CHCHD3: variants seen among roughly 807,000 people sequenced by gnomAD.
CHCHD3 encodes the protein MICOS complex subunit MIC19.
CHCHD3 carries 20 observed loss-of-function variants against 38.2 expected under a neutral mutation model. The ratio of observed to expected loss-of-function variants is 0.52; its 90% CI spans 0.37 to 0.76. The LOEUF (loss-of-function observed/expected upper bound fraction) is 0.76. Ranked by LOEUF, CHCHD3 falls within the 30% of genes least tolerant of loss-of-function variation. CHCHD3 has a pLI of 0.00. For missense variants in CHCHD3, 245 were observed against 279.2 expected (o/e 0.88, Z 0.87); for synonymous variants, 82 against 100.0 (o/e 0.82, Z 1.07).
At chr7:133,001,938 G>A (rs1272403011) in intron 3 of CHCHD3, among the ~76,000 whole-genome samples, 1 of 152,156 alleles carries the variant, frequency 6.6e-6, no homozygotes, top group East Asian at 1.9e-4. Flanking sequence ...TCAAAACAAC[G>A]CTGAAGGTAA....
At chr7:132,870,640 A>G in intron 5 of CHCHD3, among the ~76,000 whole-genome samples, 1 of 151,880 alleles carries the variant, frequency 6.6e-6, no homozygotes, top group East Asian at 1.9e-4. Context: ...TACATGATTT[A>G]TCTAAGAATA....
intron 7 of CHCHD3, among the ~76,000 whole-genome samples, chr7:132,795,017 A>G (rs1350952904): frequency 6.6e-6 from 1 of 152,262 alleles, no homozygotes; most frequent in African/African-American, 2.4e-5. Flanking sequence ...CTATATGTAG[A>G]TAATTCAACA....
chr7:132,889,070 T>G (rs1043975745), intron 4 of CHCHD3, among the ~76,000 whole-genome samples: 5 of 152,102 alleles, frequency 3.3e-5, no homozygotes, highest in African/African-American at 1.2e-4. Context: ...ATATTCCATA[T>G]GTTTACACTT....
intron 4 of CHCHD3, among the ~76,000 whole-genome samples, chr7:132,917,477 T>C (rs1810136531): frequency 6.6e-6 from 1 of 152,216 alleles, no homozygotes; most frequent in Non-Finnish European, 1.5e-5. Flanking sequence ...AATGTGGATC[T>C]TTCCTATATA....
intron 3 of CHCHD3, among the ~76,000 whole-genome samples, chr7:133,023,306 C>T (rs7810851): frequency 1.3e-5 from 2 of 152,022 alleles, no homozygotes; most frequent in Non-Finnish European, 2.9e-5. Flanking sequence ...ATATTCTGTT[C>T]TGTATATTTT....
chr7:132,969,969 T>C (rs1018685181), intron 4 of CHCHD3, among the ~76,000 whole-genome samples: 3 of 152,118 alleles, frequency 2.0e-5, no homozygotes, highest in African/African-American at 4.8e-5. Context: ...GATACAACCA[T>C]TGACCAGCAT....
intron 5 of CHCHD3, among the ~76,000 whole-genome samples, chr7:132,856,178 G>A (rs926442703): frequency 6.6e-6 from 1 of 152,148 alleles, no homozygotes; most frequent in Non-Finnish European, 1.5e-5. Flanking sequence ...CATTTACTGT[G>A]TATTCTGCCT....
intron 5 of CHCHD3, among the ~76,000 whole-genome samples, chr7:132,871,718 T>A (rs952391547): frequency 1.3e-5 from 2 of 151,834 alleles, no homozygotes; most frequent in African/African-American, 4.8e-5. Flanking sequence ...CAAGGAGGAG[T>A]GATGAGATGT....
chr7:132,885,806 T>G, intron 4 of CHCHD3, 61 bp from the exon 5 acceptor site: 2 of 1,221,412 alleles, frequency 1.6e-6, no homozygotes, highest in South Asian at 2.9e-5. Context: ...AAAGCAAAAG[T>G]CAAGAATAAA....
intron 7 of CHCHD3, among the ~76,000 whole-genome samples, chr7:132,790,708 T>C (rs1341069964): frequency 6.6e-6 from 1 of 152,182 alleles, no homozygotes; most frequent in Admixed American, 6.5e-5. Context: ...GTTAACCTTC[T>C]TGATTATCTT....
At chr7:132,814,742 G>T (rs548174657) in intron 6 of CHCHD3, among the ~76,000 whole-genome samples, 1 of 152,308 alleles carries the variant, frequency 6.6e-6, no homozygotes, top group African/African-American at 2.4e-5. Context: ...TGAAAAGCCT[G>T]TAAAATCTGG....
chr7:133,023,301 C>A (rs946085726), intron 3 of CHCHD3, among the ~76,000 whole-genome samples: 1 of 152,112 alleles, frequency 6.6e-6, no homozygotes, highest in Non-Finnish European at 1.5e-5. Flanking sequence ...AATTCATATT[C>A]TGTTCTGTAT....
At chr7:133,043,114 T>G (rs932554744) in intron 2 of CHCHD3, among the ~76,000 whole-genome samples, 2 of 152,164 alleles carry the variant, frequency 1.3e-5, no homozygotes, top group African/African-American at 4.8e-5. Flanking sequence ...GCAACCCGCC[T>G]GCCTCAGCTT....
rs149233061 is a variant in CHCHD3 at position 133,080,514 on chromosome 7, T to G, written c.81+1343A>C. Among the ~76,000 whole-genome samples, 434 of 152,354 alleles carry G rather than the reference T, an allele frequency of 2.8e-3. 1 individual carries two copies. The highest frequency in any genetic ancestry group is 9.5e-3 in the African/African-American group (394 of 41,588). On this transcript the variant is annotated intron_variant, in intron 1 of 7. Coordinates refer to ENST00000262570, the MANE Select transcript of CHCHD3 (RefSeq NM_017812.4). ...AAACTTATTTTGCTTTGTCTTTTAA[T>G]TATTTTTCACTCTGAGTTGCGTACT...
intron 5 of CHCHD3, among the ~76,000 whole-genome samples, chr7:132,860,279 A>AT (rs879430697): frequency 8.3e-5 from 12 of 144,232 alleles, no homozygotes; most frequent in Admixed American, 2.9e-4. Flanking sequence ...AAATAAACAG[A>AT]TTTTTTTTTA....
At chr7:133,041,121 G>A (rs755509953) in intron 2 of CHCHD3, among the ~76,000 whole-genome samples, 2 of 152,168 alleles carry the variant, frequency 1.3e-5, no homozygotes, top group African/African-American at 2.4e-5. Flanking sequence ...ATGTGTTTAT[G>A]TATATTGTTG....
chr7:132,948,426 C>G (rs113135210), intron 4 of CHCHD3, among the ~76,000 whole-genome samples: 2 of 152,078 alleles, frequency 1.3e-5, no homozygotes, highest in African/African-American at 4.8e-5. Context: ...AGGGTAGGAT[C>G]GAAACTTCGA....
At chr7:132,929,160 C>T (rs1810457728) in intron 4 of CHCHD3, among the ~76,000 whole-genome samples, 1 of 152,136 alleles carries the variant, frequency 6.6e-6, no homozygotes, top group Admixed American at 6.5e-5. Context: ...CCACCTGAAA[C>T]CTGGGTTCTG....
chr7:133,011,410 G>T (rs1399563645), intron 3 of CHCHD3, among the ~76,000 whole-genome samples: 2 of 152,154 alleles, frequency 1.3e-5, no homozygotes, highest in Admixed American at 6.5e-5. Flanking sequence ...AATGAGAAAT[G>T]GTAATGGCTT....
Sources: allele counts gnomAD v4.1 joint callset (sites outside exome capture counted in the v4.1 genomes callset), GRCh38; gene constraint gnomAD v4.1.1; transcripts MANE v1.5; gene names NCBI Gene and HGNC (gene_info 2026-07-23, HGNC 2026-07-21).